The following RORA variants were observed in gnomAD, a reference collection of about 807,000 sequenced individuals.
RORA encodes the protein nuclear receptor ROR-alpha.
A neutral mutation model predicts 69.5 loss-of-function variants in RORA; 7 were observed. That is an observed-to-expected ratio of 0.10 (90% CI 0.06 to 0.19). RORA has a LOEUF of 0.19. Ranked by LOEUF, RORA falls within the 10% of genes least tolerant of loss-of-function variation. RORA has a pLI of 1.00. For missense variants in RORA, 457 were observed against 663.0 expected, an observed-to-expected ratio of 0.69 and a Z score of 3.41; for synonymous variants, 261 against 240.8, an observed-to-expected ratio of 1.08 and a Z score of -0.78.
At chr15:60,554,764 C>A (rs745736177) in intron 2 of RORA, among the ~76,000 whole-genome samples, 1 of 152,034 alleles carries the variant, frequency 6.6e-6, no homozygotes, top group African/African-American at 2.4e-5. Context: ...ATGACACATA[C>A]GGTCACCTGT....
chr15:60,659,626 C>T (rs1295262036), intron 2 of RORA, among the ~76,000 whole-genome samples: 1 of 152,190 alleles, frequency 6.6e-6, no homozygotes, highest in African/African-American at 2.4e-5. Flanking sequence ...ACTGCCTGAA[C>T]TTGATATGCT....
At chr15:61,067,918 T>A (rs1278652261) in intron 1 of RORA, among the ~76,000 whole-genome samples, 2 of 152,186 alleles carry the variant, frequency 1.3e-5, no homozygotes, top group Non-Finnish European at 2.9e-5. Flanking sequence ...GTTAGGTTGT[T>A]CTTGAGGAGT....
At chr15:61,004,216 G>C (rs539835991) in intron 1 of RORA, among the ~76,000 whole-genome samples, 5 of 152,138 alleles carry the variant, frequency 3.3e-5, no homozygotes, top group South Asian at 2.1e-4. Flanking sequence ...AAAGGGGGCA[G>C]TGGGGAGAGG....
chr15:61,186,318 T>A (rs1357385863), intron 1 of RORA, among the ~76,000 whole-genome samples: 1 of 152,024 alleles, frequency 6.6e-6, no homozygotes, highest in East Asian at 1.9e-4. Context: ...CTGATGTGCA[T>A]CAGAACCACC....
intron 2 of RORA, among the ~76,000 whole-genome samples, chr15:60,645,888 A>G (rs945016033): frequency 3.3e-5 from 5 of 152,030 alleles, no homozygotes; most frequent in Admixed American, 1.3e-4. Context: ...CCATATACAC[A>G]CAGACGCATA....
Position 61,216,871 on chromosome 15 carries a change from C to A in RORA, c.166+12182G>T, listed in dbSNP as rs560792626. Among the ~76,000 whole-genome samples, 4 of 152,246 alleles carry A rather than the reference C, an allele frequency of 2.6e-5. No homozygotes were observed. In the South Asian group the frequency reaches 8.3e-4, roughly 32 times the overall value. Reference sequence around the variant, plus strand: ...CACAGCACACACCTGGGTCTTGGCCCAGGTCTGTCTCACTCCTCCCAGCAG... The same window carrying A: ...CACAGCACACACCTGGGTCTTGGCCAAGGTCTGTCTCACTCCTCCCAGCAG... On this transcript the variant is annotated intron_variant, in intron 1 of 10. Transcript: ENST00000335670.
chr15:60,984,801 C>CTTTTTTTTTTT (rs3985701), intron 1 of RORA, among the ~76,000 whole-genome samples: 2 of 137,268 alleles, frequency 1.5e-5, no homozygotes, highest in Non-Finnish European at 1.5e-5. Context: ...CTACATATGT[C>CTTTTTTTTTTT]TTTTTTTTTT....
intron 1 of RORA, among the ~76,000 whole-genome samples, chr15:61,079,220 G>A (rs373410247): frequency 8.5e-5 from 13 of 152,082 alleles, no homozygotes; most frequent in African/African-American, 3.1e-4. Context: ...CAGAAATGAT[G>A]CCACCAATTC....
chr15:61,150,692 G>A (rs1429149321), intron 1 of RORA, among the ~76,000 whole-genome samples: 1 of 152,120 alleles, frequency 6.6e-6, no homozygotes, highest in East Asian at 1.9e-4. Context: ...AGTAACTCAG[G>A]CAGAATTCTA....
At chr15:60,858,151 A>G (rs2073400217) in intron 1 of RORA, among the ~76,000 whole-genome samples, 1 of 152,192 alleles carries the variant, frequency 6.6e-6, no homozygotes, top group Non-Finnish European at 1.5e-5. Flanking sequence ...ATGGAGAGTC[A>G]GAACACGGGG....
chr15:61,210,159 AACAAG>A (rs2140936039), intron 1 of RORA, among the ~76,000 whole-genome samples: 1 of 152,354 alleles, frequency 6.6e-6, no homozygotes, highest in Admixed American at 6.5e-5. Flanking sequence ...ATGTGCAGTT[AACAAG>A]GAAGGGCAGA....
At chr15:60,722,067 T>C (rs752705448) in intron 1 of RORA, among the ~76,000 whole-genome samples, 1 of 152,252 alleles carries the variant, frequency 6.6e-6, no homozygotes, top group Non-Finnish European at 1.5e-5. Context: ...ACTATACCAA[T>C]ACCTTTTCTA....
At chr15:61,016,927 C>T (rs542603020) in intron 1 of RORA, among the ~76,000 whole-genome samples, 24 of 152,060 alleles carry the variant, frequency 1.6e-4, no homozygotes, top group South Asian at 6.2e-4. Flanking sequence ...TATACTCAGC[C>T]GAAGACGTAT....
rs542835589 is a variant in RORA, at chr15:61,200,128, G to A, written c.166+28925C>T. Among the ~76,000 whole-genome samples, 214 of 152,358 alleles carry A rather than the reference G, an allele frequency of 1.4e-3. 2 individuals carry two copies. The highest frequency in any genetic ancestry group is 5.0e-3 in the African/African-American group (206 of 41,580). On this transcript the variant is annotated intron_variant, in intron 1 of 10. Coordinates refer to ENST00000335670, the MANE Select transcript of RORA (RefSeq NM_134261.3). ...CTTGGGGAACAGAAAGAGACACAGA[G>A]AAATCAAAGTTGTGGTAAGGACTGG... is the stretch of plus-strand genomic sequence containing the variant.
chr15:60,677,012 C>T lies in RORA; in HGVS notation c.196+1645G>A, dbSNP rs549545015. The T allele has an allele frequency of 1.2e-3, 398 of 341,610 alleles. 3 individuals are homozygous for T. Among genetic ancestry groups the T allele is most frequent in the South Asian group, 8.5e-3 (387 of 45,660 alleles). The allele number at this position is 341,610 out of a possible 1,614,324, so 21.2% of individuals were successfully genotyped here. ...CTTATCTAAGAGCCAAGTCATAATG[C>T]AAACAGTCAGTAGCTTTCTGTACAT... On this transcript the variant is annotated intron_variant, in intron 2 of 10. Transcript: ENST00000335670.
chr15:60,542,323 C>T (rs1457398299), intron 2 of RORA, among the ~76,000 whole-genome samples: 4 of 150,862 alleles, frequency 2.7e-5, no homozygotes, highest in South Asian at 4.1e-4. Flanking sequence ...CACAGGCACA[C>T]ACACACCACA....
intron 1 of RORA, among the ~76,000 whole-genome samples, chr15:61,055,164 T>C (rs540356883): frequency 6.6e-6 from 1 of 150,922 alleles, no homozygotes. Context: ...CTTATCTGGT[T>C]AAGTACAAGG....
intron 1 of RORA, among the ~76,000 whole-genome samples, chr15:61,129,493 C>T (rs979399255): frequency 1.3e-5 from 2 of 151,524 alleles, no homozygotes; most frequent in African/African-American, 4.9e-5. Context: ...GGTTTCTGCT[C>T]GGGGGGATGA....
At chr15:60,514,207 T>C (rs549375087) in intron 4 of RORA, among the ~76,000 whole-genome samples, 7 of 152,310 alleles carry the variant, frequency 4.6e-5, no homozygotes, top group East Asian at 1.9e-4. Context: ...CAACCTCCAA[T>C]AGACTTACTA....
Sources: gnomAD v4.1 joint callset for allele counts (sites outside exome capture counted in the v4.1 genomes callset) on GRCh38, gnomAD v4.1.1 for gene constraint, MANE v1.5 for transcripts, NCBI Gene and HGNC (gene_info 2026-07-23, HGNC 2026-07-21) for gene names.